The following PTBP2 variants were observed in gnomAD, a reference collection of about 807,000 sequenced individuals.
PTBP2 encodes the protein polypyrimidine tract binding protein 2.
Under a neutral mutation model 61.4 loss-of-function variants are expected in PTBP2, and 13 were observed. That is an observed-to-expected ratio of 0.21 (90% CI 0.14 to 0.34). PTBP2 has a LOEUF of 0.34. PTBP2 is among the 10% of genes least tolerant of loss of function. PTBP2 has a pLI of 1.00. For synonymous variants in PTBP2, 215 were observed against 218.5 expected (o/e 0.98, Z 0.14); for missense variants, 405 against 642.6 (o/e 0.63, Z 4.00).
intron 2 of PTBP2, among the ~76,000 whole-genome samples, chr1:96,726,279 T>C (rs1466793776): frequency 6.7e-6 from 1 of 148,522 alleles, no homozygotes; most frequent in Non-Finnish European, 1.5e-5. Context: ...TCTTGCCTTT[T>C]TTTTTTTTTT....
chr1:96,759,480 G>C (rs991573652), intron 3 of PTBP2, among the ~76,000 whole-genome samples: 36 of 152,206 alleles, frequency 2.4e-4, no homozygotes, highest in African/African-American at 7.9e-4. Context: ...CAACAGATGT[G>C]CTAGAACAGC....
chr1:96,767,907 A>G (rs1656920993), intron 3 of PTBP2, among the ~76,000 whole-genome samples: 1 of 152,106 alleles, frequency 6.6e-6, no homozygotes, highest in Non-Finnish European at 1.5e-5. Flanking sequence ...TTTCAGGGCA[A>G]TATATTCAGA....
At chr1:96,747,418 A>T (rs780167300) in intron 2 of PTBP2, among the ~76,000 whole-genome samples, 4 of 152,164 alleles carry the variant, frequency 2.6e-5, no homozygotes, top group Non-Finnish European at 4.4e-5. Flanking sequence ...TTACATACTC[A>T]GAGTTCATAA....
At chr1:96,755,503 T>C (rs1655051752) in intron 3 of PTBP2, among the ~76,000 whole-genome samples, 1 of 152,180 alleles carries the variant, frequency 6.6e-6, no homozygotes, top group African/African-American at 2.4e-5. Context: ...AAAGAAGGCA[T>C]CTATTCATTA....
At chr1:96,740,662 G>A (rs1425827306) in intron 2 of PTBP2, among the ~76,000 whole-genome samples, 1 of 151,840 alleles carries the variant, frequency 6.6e-6, no homozygotes, top group African/African-American at 2.4e-5. Context: ...TTTACTACAT[G>A]TTTATGTATT....
At chr1:96,784,326 GTCA>G (rs1007143479) in intron 7 of PTBP2, among the ~76,000 whole-genome samples, 10 of 152,100 alleles carry the variant, frequency 6.6e-5, no homozygotes, top group African/African-American at 2.4e-4. Context: ...GACAGCCATT[GTCA>G]TCATTCCTGT....
chr1:96,795,677 A>G (rs1226315637), intron 8 of PTBP2, among the ~76,000 whole-genome samples: 1 of 152,226 alleles, frequency 6.6e-6, no homozygotes, highest in Non-Finnish European at 1.5e-5. Flanking sequence ...GAGTATATAA[A>G]TCAAATTACA....
At chr1:96,782,610 T>G (rs1047174940) in intron 7 of PTBP2, among the ~76,000 whole-genome samples, 1 of 152,064 alleles carries the variant, frequency 6.6e-6, no homozygotes, top group African/African-American at 2.4e-5. Flanking sequence ...TCTGAAGTAT[T>G]ACATTAGTAT....
chr1:96,793,394 A>C (rs1660052332), intron 8 of PTBP2, among the ~76,000 whole-genome samples: 1 of 151,912 alleles, frequency 6.6e-6, no homozygotes. Flanking sequence ...TTTTAGTTGG[A>C]GTACTGGCTC....
chr1:96,765,119 A>G (rs1380927467), intron 3 of PTBP2, among the ~76,000 whole-genome samples: 2 of 151,658 alleles, frequency 1.3e-5, no homozygotes, highest in Non-Finnish European at 2.9e-5. Flanking sequence ...TTCTTAGCTT[A>G]GAGTCTTTTT....
chr1:96,761,475 G>A (rs1484364001), intron 3 of PTBP2, among the ~76,000 whole-genome samples: 2 of 151,824 alleles, frequency 1.3e-5, no homozygotes, highest in African/African-American at 2.4e-5. Flanking sequence ...GTATAGAGGG[G>A]AGAATAGTTT....
At chr1:96,799,528 C>A (rs1296527693) in intron 8 of PTBP2, among the ~76,000 whole-genome samples, 1 of 151,910 alleles carries the variant, frequency 6.6e-6, no homozygotes, top group Admixed American at 6.6e-5. Flanking sequence ...GATCTCCTGA[C>A]CTTGTGATAG....
chr1:96,791,664 CG>C (rs1389236234), intron 8 of PTBP2, among the ~76,000 whole-genome samples: 5 of 151,932 alleles, frequency 3.3e-5, no homozygotes, highest in Non-Finnish European at 5.9e-5. Context: ...AGAAGGGATT[CG>C]CTATGTTTTC....
chr1:96,763,621 G>A (rs1172106560), intron 3 of PTBP2, among the ~76,000 whole-genome samples: 6 of 126,748 alleles, frequency 4.7e-5, no homozygotes, highest in Non-Finnish European at 8.4e-5. Flanking sequence ...AGGGGGAGGG[G>A]GAGGGGGAGG....
rs771168270 is a variant in PTBP2 at position 96,744,294 on chromosome 1, G to A, written c.40-7131G>A. On this transcript the variant is annotated intron_variant, in intron 2 of 13. Transcript: ENST00000674951. ...TGAAAATTCAGGATAATTAATAAAAGTAAACGAGAACTTCTTTACATATAT... is the reference window on the plus strand; with the variant it reads ...TGAAAATTCAGGATAATTAATAAAAATAAACGAGAACTTCTTTACATATAT... 1.3e-4 allele frequency among the ~76,000 whole-genome samples: 20 copies of A among 152,144 alleles called. 1 individual carries two copies. Among genetic ancestry groups the A allele is most frequent in the South Asian group, 4.2e-4 (2 of 4,818 alleles).
chr1:96,723,820 T>A (rs529167608), intron 2 of PTBP2, among the ~76,000 whole-genome samples: 1 of 152,328 alleles, frequency 6.6e-6, no homozygotes, highest in South Asian at 2.1e-4. Context: ...GTATGAATGA[T>A]CAAGAAATTG....
At chr1:96,796,842 T>A (rs1660448150) in intron 8 of PTBP2, among the ~76,000 whole-genome samples, 1 of 151,824 alleles carries the variant, frequency 6.6e-6, no homozygotes, top group South Asian at 2.1e-4. Context: ...GGTTTAGTGG[T>A]TGTGTGGGAA....
intron 8 of PTBP2, among the ~76,000 whole-genome samples, chr1:96,794,769 A>G (rs1174932431): frequency 6.6e-5 from 10 of 152,218 alleles, no homozygotes; most frequent in Non-Finnish European, 1.5e-4. Flanking sequence ...TGAGTGATCC[A>G]TCAACAAAAG....
At position 96,785,018 on chromosome 1, in the gene PTBP2, TTTTG is replaced by T. The variant is rs750778655; in HGVS notation, c.709-37_709-34del. The T allele has an allele frequency of 3.0e-5, 42 of 1,402,346 alleles. 2 individuals are homozygous for T. In the Admixed American group the frequency reaches 1.0e-3, roughly 33 times the overall value. The allele number at this position is 1,402,346 out of a possible 1,614,324, so 86.9% of individuals were successfully genotyped here. On this transcript the variant is annotated intron_variant, in intron 7 of 13. Transcript: ENST00000674951. ...AATTATACTTTCACTAATTTTTATT[TTTTG>T]TTTAAGATTGCTGATATGCTTTATT... is the stretch of plus-strand genomic sequence containing the variant.
Sources: gnomAD v4.1 joint callset for allele counts (sites outside exome capture counted in the v4.1 genomes callset) on GRCh38, gnomAD v4.1.1 for gene constraint, MANE v1.5 for transcripts, NCBI Gene and HGNC (gene_info 2026-07-23, HGNC 2026-07-21) for gene names.